The following NINJ2 variants were observed in gnomAD, a reference collection of about 807,000 sequenced individuals.
The protein encoded by NINJ2 is ninjurin 2.
A neutral mutation model predicts 11.7 loss-of-function variants in NINJ2; 12 were observed. That is an observed-to-expected ratio of 1.02 (90% CI 0.66 to 1.66). NINJ2 has a LOEUF of 1.66. Ranked by LOEUF, NINJ2 falls within the 40% of genes most tolerant of loss-of-function variation. NINJ2 has a pLI of 0.00. For synonymous variants in NINJ2, 93 were observed against 76.8 expected (o/e 1.21, Z -1.10); for missense variants, 187 against 181.8 (o/e 1.03, Z -0.16).
chr12:599,672 C>T (rs1329252151), intron 1 of NINJ2, among the ~76,000 whole-genome samples: 1 of 152,226 alleles, frequency 6.6e-6, no homozygotes, highest in East Asian at 1.9e-4. Flanking sequence ...TGAACCCTGA[C>T]TTGCCTCAGT....
At chr12:635,677 G>A (rs560979446) in intron 1 of NINJ2, among the ~76,000 whole-genome samples, 19 of 152,172 alleles carry the variant, frequency 1.2e-4, no homozygotes, top group Non-Finnish European at 2.5e-4. Flanking sequence ...ACTTCACAAT[G>A]ATTTCTAGAA....
In NINJ2 at chr12:607,373, GAT is replaced by G. The variant is rs536232479; in HGVS notation, c.34-41197_34-41196del. ...AAGGGATGATGATGATGATGATGAT[GAT>G]GATGACGACTGGAGTAGAAATACTT... is the stretch of plus-strand genomic sequence containing the variant. On this transcript the variant is annotated intron_variant, in intron 1 of 3. Coordinates refer to ENST00000305108, the MANE Select transcript of NINJ2 (RefSeq NM_016533.6). 5.9e-3 allele frequency among the ~76,000 whole-genome samples: 901 copies of G among 152,208 alleles called. 2 individuals carry two copies. The highest frequency in any genetic ancestry group is 9.2e-3 in the Non-Finnish European group (626 of 68,004).
intron 1 of NINJ2, among the ~76,000 whole-genome samples, chr12:596,820 G>T (rs376103757): frequency 6.6e-6 from 1 of 151,996 alleles, no homozygotes; most frequent in South Asian, 2.1e-4. Flanking sequence ...GCTACAGGAG[G>T]CTGAGGTGGG....
intron 1 of NINJ2, 51 bp downstream of exon 1, chr12:663,277 C>G (rs1937983500): frequency 7.2e-6 from 11 of 1,535,610 alleles, no homozygotes; most frequent in African/African-American, 1.4e-5. Flanking sequence ...GTTCTTCCAG[C>G]TTCACCTCTA....
At chr12:567,578 T>C (rs781599898) in intron 1 of NINJ2, among the ~76,000 whole-genome samples, 41 of 152,208 alleles carry the variant, frequency 2.7e-4, no homozygotes, top group Admixed American at 4.6e-4. Context: ...ATGTTCCTTG[T>C]ACTTCGTGCA....
At chr12:651,193 G>C (rs1166998463) in intron 1 of NINJ2, among the ~76,000 whole-genome samples, 3 of 152,230 alleles carry the variant, frequency 2.0e-5, no homozygotes, top group African/African-American at 7.2e-5. Flanking sequence ...CATGCTTCTG[G>C]CAGGGGAAAG....
chr12:623,911 C>T (rs528812232), intron 1 of NINJ2, among the ~76,000 whole-genome samples: 2 of 152,258 alleles, frequency 1.3e-5, no homozygotes, highest in South Asian at 4.1e-4. Context: ...GTGCACACGC[C>T]TGTAGTCCCA....
chr12:624,938 G>A (rs1032343831), intron 1 of NINJ2, among the ~76,000 whole-genome samples: 3 of 151,608 alleles, frequency 2.0e-5, no homozygotes, highest in East Asian at 3.9e-4. Flanking sequence ...GTGAAACCCC[G>A]TCTTTACTAA....
chr12:570,357 G>A (rs1299271857), intron 1 of NINJ2, among the ~76,000 whole-genome samples: 1 of 152,228 alleles, frequency 6.6e-6, no homozygotes, highest in Non-Finnish European at 1.5e-5. Flanking sequence ...CAGAGGGATG[G>A]ATGGAATGAC....
chr12:581,286 C>G lies in NINJ2; in HGVS notation c.34-15108G>C, dbSNP rs11063706. Among the ~76,000 whole-genome samples the G allele has an allele frequency of 0.27, 40,682 of 151,360 alleles. 5,850 individuals are homozygous for G. The highest frequency in any genetic ancestry group is 0.37 in the South Asian group (1,781 of 4,780). ...TAGATGAGACAGGCTACAGACAAGG[C>G]AGGGATACTGGTGCATTATCCGGAG... is the stretch of plus-strand genomic sequence containing the variant. On this transcript the variant is annotated intron_variant, in intron 1 of 3. Coordinates refer to ENST00000305108, the MANE Select transcript of NINJ2 (RefSeq NM_016533.6). The surrounding 1 kb of genome is among the most constrained non-coding windows in gnomAD (Gnocchi z 4.9).
At chr12:566,425 A>C (rs527835617) in intron 1 of NINJ2, among the ~76,000 whole-genome samples, 21 of 152,112 alleles carry the variant, frequency 1.4e-4, no homozygotes, top group Admixed American at 1.2e-3. Context: ...CTTCCCTCAC[A>C]CCTTCACACA....
At chr12:593,480 C>A (rs568608074) in intron 1 of NINJ2, among the ~76,000 whole-genome samples, 1 of 152,136 alleles carries the variant, frequency 6.6e-6, no homozygotes, top group East Asian at 1.9e-4. Flanking sequence ...CACTGTGGGA[C>A]GCTGAGGTAG....
intron 1 of NINJ2, among the ~76,000 whole-genome samples, chr12:625,333 T>C (rs1240395226): frequency 2.6e-5 from 4 of 151,850 alleles, no homozygotes; most frequent in Non-Finnish European, 4.4e-5. Context: ...GGCAAGAACA[T>C]AGGGAGAGGG....
intron 1 of NINJ2, among the ~76,000 whole-genome samples, chr12:657,582 CCTT>C (rs1393149723): frequency 6.6e-6 from 1 of 152,060 alleles, no homozygotes; most frequent in East Asian, 1.9e-4. Flanking sequence ...GAGCGAGACT[CCTT>C]CTCAAAAAAT....
chr12:587,096 T>G (rs930102909), intron 1 of NINJ2, among the ~76,000 whole-genome samples: 2 of 152,216 alleles, frequency 1.3e-5, no homozygotes, highest in East Asian at 3.9e-4. Flanking sequence ...TTCTTGCTAC[T>G]AAACACCTGT....
chr12:599,545 G>T (rs1947837530), intron 1 of NINJ2, among the ~76,000 whole-genome samples: 1 of 152,152 alleles, frequency 6.6e-6, no homozygotes, highest in Admixed American at 6.5e-5. Context: ...CTCACAACAT[G>T]ATCTCTGCAA....
intron 1 of NINJ2, among the ~76,000 whole-genome samples, chr12:618,669 G>A (rs1338699460): frequency 1.3e-5 from 2 of 152,240 alleles, no homozygotes; most frequent in African/African-American, 2.4e-5. Flanking sequence ...GGGCTCCAAG[G>A]AGACTGCAGT....
At chr12:634,481 G>A (rs572378444) in intron 1 of NINJ2, among the ~76,000 whole-genome samples, 1 of 152,026 alleles carries the variant, frequency 6.6e-6, no homozygotes, top group East Asian at 1.9e-4. Context: ...GAATGGTCTT[G>A]AACTTCTGAC....
At chr12:564,901 A>G (rs1947271091) in intron 3 of NINJ2, among the ~76,000 whole-genome samples, 1 of 152,246 alleles carries the variant, frequency 6.6e-6, no homozygotes. Flanking sequence ...CTGCTAGACA[A>G]TGGCAGGGAG....
Sources: allele counts gnomAD v4.1 joint callset (sites outside exome capture counted in the v4.1 genomes callset), GRCh38; gene constraint gnomAD v4.1.1; non-coding constraint Gnocchi (gnomAD v3.1); transcripts MANE v1.5; gene names NCBI Gene and HGNC (gene_info 2026-07-23, HGNC 2026-07-21).